The following NRG1 variants were observed in gnomAD, a reference collection of about 807,000 sequenced individuals.
The protein encoded by NRG1 is neuregulin 1, also known as pro-neuregulin-1, membrane-bound isoform.
NRG1 carries 18 observed loss-of-function variants against 63.8 expected under a neutral mutation model. That is an observed-to-expected ratio of 0.28 (90% CI 0.19 to 0.42). The LOEUF (loss-of-function observed/expected upper bound fraction) is 0.42. Ranked by LOEUF, NRG1 falls within the 10% of genes least tolerant of loss-of-function variation. The pLI, the probability that NRG1 is intolerant of heterozygous loss-of-function variation, is 1.00. For synonymous variants in NRG1, 302 were observed against 301.3 expected (o/e 1.00, Z -0.02); for missense variants, 762 against 814.7 (o/e 0.94, Z 0.79).
chr8:32,561,741 T>C (rs192277083), intron 1 of NRG1, among the ~76,000 whole-genome samples: 1 of 152,272 alleles, frequency 6.6e-6, no homozygotes, highest in East Asian at 1.9e-4. Flanking sequence ...TGAATTATCT[T>C]TGACCCAGAG....
chr8:32,525,795 A>G (rs982626287), intron 1 of NRG1, among the ~76,000 whole-genome samples: 1 of 152,122 alleles, frequency 6.6e-6, no homozygotes, highest in African/African-American at 2.4e-5. Flanking sequence ...ATAATTACTT[A>G]GCACAAATCA....
chr8:32,325,519 A>G (rs553884099), intron 1 of NRG1, among the ~76,000 whole-genome samples: 1 of 152,218 alleles, frequency 6.6e-6, no homozygotes, highest in East Asian at 1.9e-4. Flanking sequence ...AGCTGGGACT[A>G]TAGGCATGTG....
intron 1 of NRG1, among the ~76,000 whole-genome samples, chr8:32,166,223 G>A (rs759183656): frequency 1.3e-5 from 2 of 152,122 alleles, no homozygotes; most frequent in African/African-American, 4.8e-5. Context: ...TGAGAGAGGA[G>A]CAATATGTTT....
chr8:32,676,084 T>C (rs1807031043), intron 5 of NRG1, among the ~76,000 whole-genome samples: 1 of 152,204 alleles, frequency 6.6e-6, no homozygotes, highest in South Asian at 2.1e-4. Context: ...ATTTTAATAG[T>C]CATAACAGAT....
intron 1 of NRG1, among the ~76,000 whole-genome samples, chr8:32,092,096 A>G (rs1197137013): frequency 6.6e-6 from 1 of 152,172 alleles, no homozygotes; most frequent in Non-Finnish European, 1.5e-5. Context: ...TAAAAAATAT[A>G]TGTTATTTCA....
intron 5 of NRG1, among the ~76,000 whole-genome samples, chr8:32,640,679 T>C (rs1028988511): frequency 8.6e-5 from 13 of 151,582 alleles, no homozygotes; most frequent in African/African-American, 2.7e-4. Context: ...AGTAAATGGA[T>C]ATGTCATTGA....
At chr8:32,012,297 C>T (rs1218264412) in intron 1 of NRG1, among the ~76,000 whole-genome samples, 1 of 152,068 alleles carries the variant, frequency 6.6e-6, no homozygotes, top group Non-Finnish European at 1.5e-5. Flanking sequence ...GACAACAGGA[C>T]ATGCATGACA....
At chr8:32,103,956 A>T (rs1372682253) in intron 1 of NRG1, among the ~76,000 whole-genome samples, 1 of 152,168 alleles carries the variant, frequency 6.6e-6, no homozygotes, top group Admixed American at 6.6e-5. Flanking sequence ...TCACCTGCTA[A>T]AAGAGGAAAA....
At chr8:32,402,831 G>A (rs1290745889) in intron 1 of NRG1, among the ~76,000 whole-genome samples, 1 of 152,150 alleles carries the variant, frequency 6.6e-6, no homozygotes, top group Non-Finnish European at 1.5e-5. Context: ...TTTGTGCATA[G>A]TATATAAAGG....
At chr8:32,701,921 T>C (rs762510318) in intron 5 of NRG1, among the ~76,000 whole-genome samples, 2 of 152,208 alleles carry the variant, frequency 1.3e-5, no homozygotes, top group Non-Finnish European at 2.9e-5. Context: ...GATCATGAGA[T>C]CACAAATGTG....
chr8:31,688,714 T>G (rs1406454193), intron 1 of NRG1, among the ~76,000 whole-genome samples: 1 of 151,860 alleles, frequency 6.6e-6, no homozygotes, highest in Non-Finnish European at 1.5e-5. Flanking sequence ...AGCTTTTACC[T>G]TCTGAAGACT....
intron 1 of NRG1, among the ~76,000 whole-genome samples, chr8:32,371,502 CTT>C (rs1808853735): frequency 6.6e-6 from 1 of 152,174 alleles, no homozygotes; most frequent in East Asian, 1.9e-4. Context: ...GCTGGGGACA[CTT>C]TATAGCCACG....
chr8:31,916,210 T>C (rs753775302), intron 1 of NRG1, among the ~76,000 whole-genome samples: 1 of 152,162 alleles, frequency 6.6e-6, no homozygotes, highest in African/African-American at 2.4e-5. Context: ...TTTTTCATTT[T>C]CTTTTTTTTT....
intron 1 of NRG1, among the ~76,000 whole-genome samples, chr8:32,349,141 A>G (rs1805272519): frequency 6.6e-6 from 1 of 152,130 alleles, no homozygotes; most frequent in Admixed American, 6.6e-5. Context: ...TATTTTGAGG[A>G]CTCTGTCAAG....
intron 1 of NRG1, among the ~76,000 whole-genome samples, chr8:32,536,245 G>A (rs1831953764): frequency 6.6e-6 from 1 of 152,152 alleles, no homozygotes; most frequent in Non-Finnish European, 1.5e-5. Context: ...AGTCCATTCA[G>A]GTTGTTGGCA....
chr8:31,748,527 C>A (rs1204792297), intron 1 of NRG1, among the ~76,000 whole-genome samples: 1 of 151,894 alleles, frequency 6.6e-6, no homozygotes, highest in Non-Finnish European at 1.5e-5. Context: ...TATAACCATA[C>A]AAGCAAACAC....
At chr8:31,907,276 G>A (rs1399344656) in intron 1 of NRG1, among the ~76,000 whole-genome samples, 1 of 151,282 alleles carries the variant, frequency 6.6e-6, no homozygotes, top group Admixed American at 6.6e-5. Flanking sequence ...CTTTCCTCAA[G>A]GAAAAGACTG....
At chr8:32,541,349 T>G (rs142819088) in intron 1 of NRG1, among the ~76,000 whole-genome samples, 5 of 152,300 alleles carry the variant, frequency 3.3e-5, no homozygotes, top group Non-Finnish European at 7.3e-5. Context: ...AATTGTGGTA[T>G]TATTACAATA....
chr8:32,523,792 G>C (rs1437870276), intron 1 of NRG1, among the ~76,000 whole-genome samples: 1 of 151,990 alleles, frequency 6.6e-6, no homozygotes, highest in African/African-American at 2.4e-5. Flanking sequence ...AGAAGTGAGC[G>C]AGATCATGCC....
Sources: allele counts gnomAD v4.1 joint callset (sites outside exome capture counted in the v4.1 genomes callset), GRCh38; gene constraint gnomAD v4.1.1; transcripts MANE v1.5; gene names NCBI Gene and HGNC (gene_info 2026-07-23, HGNC 2026-07-21).